The following DISP3 variants were observed in gnomAD, a reference collection of about 807,000 sequenced individuals.
The protein encoded by DISP3 is dispatched RND transporter family member 3.
In DISP3, 101 loss-of-function variants were observed where a neutral mutation model predicts 135.3. That is an observed-to-expected ratio of 0.75 (90% CI 0.64 to 0.88). DISP3 has a LOEUF of 0.88. DISP3 is among the 40% of genes least tolerant of loss of function. DISP3 has a pLI of 0.00. For missense variants in DISP3, 1,713 were observed against 1,878.6 expected (o/e 0.91, Z 1.63); for synonymous variants, 856 against 817.0 (o/e 1.05, Z -0.81).
In DISP3 at chr1:11,536,503, C is replaced by T. The variant is rs747439571; in HGVS notation, c.3996C>T (p.Tyr1332=). 1 of 1,613,394 alleles carries T rather than the reference C, an allele frequency of 6.2e-7. No individual in the cohort carries two copies. The highest frequency in any genetic ancestry group is 2.2e-5 in the East Asian group (1 of 44,902). Residue 1332 remains tyrosine, a synonymous_variant, in exon 21 of 21, where the codon TAC becomes TAT. Coordinates refer to ENST00000294484, the MANE Select transcript of DISP3 (RefSeq NM_020780.2). This position sits in a 1 kb window ranked among gnomAD's most constrained non-coding sequence, Gnocchi z 4.3. Reference sequence around the variant, plus strand: ...TCAACACGGGCGTGTCCATCCTCTACACGCTGACCGTCAGCACCGCCCTGC... The same window carrying T: ...TCAACACGGGCGTGTCCATCCTCTATACGCTGACCGTCAGCACCGCCCTGC... ...VALNTGVSIL[Y]TLTVSTALLG... is the part of the protein sequence containing the mutation.
Position 11,530,894 on chromosome 1 carries a change from C to G in DISP3, c.3103-13C>G. On this transcript the variant is annotated splice_polypyrimidine_tract_variant and intron_variant, in intron 15 of 20. Transcript: ENST00000294484. ...CTGAGCGGCCCGGGCCGGCTTGTTT[C>G]TCCTTGGGAAAGGGTAGTGTTGTCT... 1 of 1,613,538 alleles carries G rather than the reference C, an allele frequency of 6.2e-7. No homozygotes were observed. Among genetic ancestry groups the G allele is most frequent in the Non-Finnish European group, 8.5e-7 (1 of 1,179,758 alleles).
At position 11,502,031 on chromosome 1, in the gene DISP3, G is replaced by T; in HGVS notation, c.1039G>T (p.Glu347Ter). ...GCTCATGACCTACTTTTTTCCCACC[G>T]AGAGGGGCGGCAAGATCTACTATGA... ...SSLMTYFFPT[E>*]RGGKIYYDGM... The change falls in exon 2 of 21, where the codon GAG becomes TAG. Residue 347 changes from glutamate (E) to a stop codon, truncating the protein, a stop_gained. Coordinates refer to ENST00000294484, the MANE Select transcript of DISP3 (RefSeq NM_020780.2). LOFTEE classifies it high-confidence loss of function. 6 of 1,604,600 alleles carry T rather than the reference G, an allele frequency of 3.7e-6. No homozygotes were observed. Among genetic ancestry groups the T allele is most frequent in the Non-Finnish European group, 5.1e-6 (6 of 1,175,360 alleles).
intron 3 of DISP3, among the ~76,000 whole-genome samples, chr1:11,507,476 T>C (rs1294924298): frequency 6.6e-6 from 1 of 152,234 alleles, no homozygotes; most frequent in African/African-American, 2.4e-5. Flanking sequence ...GCCCCAGACT[T>C]CTGCAGAAGT....
chr1:11,525,286 G>A lies in DISP3; in HGVS notation c.2587G>A (p.Gly863Arg). ...TGCTCCTTGGCAGGCTGTGTCGCCT[G>A]GGGATGGAGAGGTGCCCTCCTTCCA... ...LPAPWQAVSPGDGEVPSFQVY... is the reference protein window; with the variant it reads ...LPAPWQAVSPRDGEVPSFQVY... Residue 863 changes from glycine (G) to arginine (R), a missense_variant, in exon 12 of 21, where the codon GGG becomes AGG. Gly to Arg is a moderately radical substitution (Grantham distance 125). This residue lies in a region of DISP3 where 1,142 missense variants were observed against 1,384.6 expected (regional missense o/e 0.82). Transcript: ENST00000294484. 4 of 1,613,916 alleles carry A rather than the reference G, an allele frequency of 2.5e-6. No individual in the cohort carries two copies. Among genetic ancestry groups the A allele is most frequent in the Non-Finnish European group, 3.4e-6 (4 of 1,179,884 alleles).
chr1:11,491,094 G>C lies in DISP3; in HGVS notation c.-3-9896G>C, dbSNP rs1030485915. Reference sequence around the variant, plus strand: ...CCATGGATGGAGGAAAAGACACCCTGAGGAGTGAGCCTTGGCTAGAGATAC... The same window carrying C: ...CCATGGATGGAGGAAAAGACACCCTCAGGAGTGAGCCTTGGCTAGAGATAC... On this transcript the variant is annotated intron_variant, in intron 1 of 20. Transcript: ENST00000294484. This position sits in a 1 kb window ranked among gnomAD's most constrained non-coding sequence, Gnocchi z 4.3. Among the ~76,000 whole-genome samples the C allele has an allele frequency of 6.6e-6, 1 of 152,196 alleles. No individual in the cohort carries two copies. Among genetic ancestry groups the C allele is most frequent in the Admixed American group, 6.5e-5 (1 of 15,282 alleles).
At chr1:11,511,374 G>A (rs1287118861) in intron 3 of DISP3, among the ~76,000 whole-genome samples, 4 of 152,160 alleles carry the variant, frequency 2.6e-5, no homozygotes, top group African/African-American at 4.8e-5. Context: ...ACTGGTATTC[G>A]TTAAATACAA....
At chr1:11,514,624 C>A in intron 4 of DISP3, 98 bp downstream of exon 4, 1 of 1,429,114 alleles carries the variant, frequency 7.0e-7, no homozygotes, top group Non-Finnish European at 9.6e-7. Context: ...CTCTTGAGCC[C>A]AGCATGTCAG....
chr1:11,502,073 CT>C lies in DISP3; in HGVS notation c.1082del (p.Leu361ArgfsTer12), dbSNP rs1641555555. 6.4e-7 allele frequency: 1 copy of C among 1,565,586 alleles called. No individual in the cohort carries two copies. The highest frequency in any genetic ancestry group is 1.2e-5 in the South Asian group (1 of 84,880). On this transcript the variant is annotated frameshift_variant, in exon 2 of 21. Coordinates refer to ENST00000294484, the MANE Select transcript of DISP3 (RefSeq NM_020780.2). LOFTEE classifies it high-confidence loss of function. ...CTACTATGACGGCATGGGCCAGGAC[CT>C]GGCGGACATCCGGGGTGAGCCGCCG... Reference protein sequence around the residue: ...KIYYDGMGQDLADIRGSLELA... With the variant: ...KIYYDGMGQDXADIRGSLELA...
chr1:11,526,408 A>G (rs1642420586), intron 12 of DISP3, among the ~76,000 whole-genome samples: 1 of 152,162 alleles, frequency 6.6e-6, no homozygotes, highest in Admixed American at 6.5e-5. Flanking sequence ...CTGGCATGGG[A>G]CAGACACTCA....
Position 11,488,659 on chromosome 1 carries a change from G to GTT in DISP3, c.-4+9288_-4+9289insTT, listed in dbSNP as rs1342677876. 2.0e-5 allele frequency among the ~76,000 whole-genome samples: 3 copies of GTT among 152,162 alleles called. No individual in the cohort carries two copies. The East Asian group carries it at 5.8e-4, about 29-fold the overall frequency. On this transcript the variant is annotated intron_variant, in intron 1 of 20. Transcript: ENST00000294484. ...GCTCTGTGTGTGTGTGTGTGTGTGT[G>GTT]TGTGTGTGTTTGCAGACACGTGCGT... is the stretch of plus-strand genomic sequence containing the variant.
rs770728808 is a variant in DISP3, at chr1:11,501,769, G to C, written c.777G>C (p.Ser259=). ...ARRGASRWDY[S]RAYVSANTQT... Reference sequence around the variant, plus strand: ...GAGGCGCCTCGCGCTGGGACTACTCGCGCGCCTATGTGAGTGCCAACACTC... The same window carrying C: ...GAGGCGCCTCGCGCTGGGACTACTCCCGCGCCTATGTGAGTGCCAACACTC... Residue 259 remains serine (S), a synonymous_variant, in exon 2 of 21, where the codon TCG becomes TCC. Transcript: ENST00000294484. This position sits in a 1 kb window ranked among gnomAD's most constrained non-coding sequence, Gnocchi z 4.9. 148 of 1,593,606 alleles carry C rather than the reference G, an allele frequency of 9.3e-5. No individual in the cohort carries two copies.
rs367544264 is a variant in DISP3 at position 11,536,632 on chromosome 1, C to A, written c.4125C>A (p.Leu1375=). Residue 1375 remains leucine, a synonymous_variant, in exon 21 of 21, where the codon CTC becomes CTA. Coordinates refer to ENST00000294484, the MANE Select transcript of DISP3 (RefSeq NM_020780.2). The surrounding 1 kb of genome is among the most constrained non-coding windows in gnomAD (Gnocchi z 4.3). ...GGGCCCTGGGGCTGGGTGCCTGCCT[C>A]GTGCTCCTGCAGAGCGGCTATAAGA... ...LAGALGLGAC[L]VLLQSGYKIP... 7 of 1,604,510 alleles carry A rather than the reference C, an allele frequency of 4.4e-6. No homozygotes were observed. In the Admixed American group the frequency reaches 1.2e-4, roughly 27 times the overall value.
At chr1:11,524,108 G>A in intron 11 of DISP3, 53 bp downstream of exon 11, 2 of 1,313,008 alleles carry the variant, frequency 1.5e-6, no homozygotes, top group Non-Finnish European at 2.2e-6. Context: ...TAGGGTTGAA[G>A]GCCCTGTAAG....
rs57272814 is a variant in DISP3 at position 11,508,101 on chromosome 1, C to T, written c.1316+5204C>T. Among the ~76,000 whole-genome samples, 549 of 152,252 alleles carry T rather than the reference C, an allele frequency of 3.6e-3. 3 individuals carry two copies. The highest frequency in any genetic ancestry group is 0.012 in the African/African-American group (519 of 41,560). On this transcript the variant is annotated intron_variant, in intron 3 of 20. Transcript: ENST00000294484. ...TGATTAGTTTTGACATGTGTGTATA[C>T]ACTGGGAAACCCTCACCACCATCAA...
chr1:11,507,690 G>A (rs988985014), intron 3 of DISP3, among the ~76,000 whole-genome samples: 2 of 152,162 alleles, frequency 1.3e-5, no homozygotes, highest in East Asian at 3.9e-4. Flanking sequence ...CCTCTAATTC[G>A]ATTACTTCAG....
chr1:11,526,613 C>T lies in DISP3; in HGVS notation c.2614-38C>T, dbSNP rs749097536. On this transcript the variant is annotated intron_variant, in intron 12 of 20. Coordinates refer to ENST00000294484, the MANE Select transcript of DISP3 (RefSeq NM_020780.2). Reference sequence around the variant, plus strand: ...CTGGCCCAGGCCGAGGCAGCCCCCCCGAGTCATGTGTCTTGTCTCTGTCAA... The same window carrying T: ...CTGGCCCAGGCCGAGGCAGCCCCCCTGAGTCATGTGTCTTGTCTCTGTCAA... 4.1e-5 allele frequency: 66 copies of T among 1,591,956 alleles called. No homozygotes were observed. The East Asian group carries it at 1.2e-3, about 30-fold the overall frequency.
intron 2 of DISP3, 65 bp downstream of exon 2, chr1:11,502,153 TGGCCCAGGCCAGGCCCAGGCCCA>T (rs1409637641): frequency 5.3e-6 from 8 of 1,503,206 alleles, no homozygotes; most frequent in East Asian, 2.3e-5. Context: ...TATGGAGATT[TGGCCCAGGCCAGGCCCAGGCCCA>T]GGCCCAGGCC....
chr1:11,512,895 G>A (rs1452492694), intron 3 of DISP3, among the ~76,000 whole-genome samples: 3 of 152,136 alleles, frequency 2.0e-5, no homozygotes, highest in Non-Finnish European at 1.5e-5. Flanking sequence ...ACATGGGGAC[G>A]GCAGGAGAAA....
Position 11,529,446 on chromosome 1 carries a change from C to A in DISP3, c.2799-110C>A. The stretch of plus-strand genomic sequence containing the variant: ...CCCCATGCCGGGGCAGAGCCCGAGT[C>A]CAGACCCCATGACACCCCAGCCCCA... On this transcript the variant is annotated intron_variant, in intron 13 of 20. Coordinates refer to ENST00000294484, the MANE Select transcript of DISP3 (RefSeq NM_020780.2). This position sits in a 1 kb window ranked among gnomAD's most constrained non-coding sequence, Gnocchi z 4.7. 7.6e-7 allele frequency: 1 copy of A among 1,319,666 alleles called. No homozygotes were observed. Among genetic ancestry groups the A allele is most frequent in the Non-Finnish European group, 1.0e-6 (1 of 962,294 alleles). 81.7% of individuals were successfully genotyped at this position (1,319,666 alleles called of 1,614,324 possible). A position where few individuals can be genotyped will look rare whatever the true frequency, so the allele number is the denominator to read the frequency against.
Sources: allele counts gnomAD v4.1 joint callset (sites outside exome capture counted in the v4.1 genomes callset), GRCh38; gene constraint gnomAD v4.1.1; regional missense constraint gnomAD v4.1.1; non-coding constraint Gnocchi (gnomAD v3.1); transcripts MANE v1.5; gene names NCBI Gene and HGNC (gene_info 2026-07-23, HGNC 2026-07-21).